The following TMEM63A variants were observed in gnomAD, a reference collection of about 807,000 sequenced individuals.
TMEM63A encodes the protein transmembrane protein 63A, also known as mechanosensitive cation channel TMEM63A.
In TMEM63A, 76 loss-of-function variants were observed where a neutral mutation model predicts 100.6. The ratio of observed to expected loss-of-function variants is 0.76; its 90% CI spans 0.63 to 0.91. The LOEUF (loss-of-function observed/expected upper bound fraction) is 0.91. TMEM63A is among the 40% of genes least tolerant of loss of function. The probability of loss-of-function intolerance (pLI) is 0.00; values close to 1 mark genes in which losing one functional copy is unlikely to be tolerated. For missense variants in TMEM63A, 876 were observed against 1,008.8 expected, an observed-to-expected ratio of 0.87 and a Z score of 1.78; for synonymous variants, 401 against 401.1, an observed-to-expected ratio of 1.00 and a Z score of 0.00.
At chr1:225,857,394 G>GGGGGGGGGGGGGGGT (rs1669691574) in intron 15 of TMEM63A, among the ~76,000 whole-genome samples, 1 of 132,972 alleles carries the variant, frequency 7.5e-6, no homozygotes, top group African/African-American at 3.0e-5. Flanking sequence ...CGGGGGGGGG[G>GGGGGGGGGGGGGGGT]GGGTGCCCTG....
At position 225,859,239 on chromosome 1, in the gene TMEM63A, G is replaced by A; in HGVS notation, c.1334C>T (p.Thr445Ile). 2 of 1,614,134 alleles carry A rather than the reference G, an allele frequency of 1.2e-6. No individual in the cohort carries two copies. Among genetic ancestry groups the A allele is most frequent in the Non-Finnish European group, 1.7e-6 (2 of 1,180,022 alleles). Reference protein sequence around the residue: ...FLTTPSIILSTMDKFNVTKPI... With the variant: ...FLTTPSIILSIMDKFNVTKPI... ...TTTGGTGACATTAAACTTGTCCATG[G>A]TGGACAGGATGATGGAGGGTGTGGT... The change falls in exon 15 of 25, where the codon ACC becomes ATC. Residue 445 changes from threonine (T) to isoleucine (I), a missense_variant. Thr to Ile is a moderately conservative substitution (Grantham distance 89, BLOSUM62 -1). This residue lies in a region of TMEM63A where 487 missense variants were observed against 581.9 expected (regional missense o/e 0.84). Transcript: ENST00000366835.
chr1:225,871,044 G>GC (rs750109113), intron 6 of TMEM63A, 32 bp downstream of exon 6: 4 of 1,612,290 alleles, frequency 2.5e-6, no homozygotes, highest in African/African-American at 1.3e-5. Context: ...CAGCCCAAAG[G>GC]CCCCCCAGCA....
Position 225,847,122 on chromosome 1 carries a change from T to C in TMEM63A, c.2342A>G (p.His781Arg). 1 of 1,613,850 alleles carries C rather than the reference T, an allele frequency of 6.2e-7. No homozygotes were observed. Among genetic ancestry groups the C allele is most frequent in the Non-Finnish European group, 8.5e-7 (1 of 1,180,016 alleles). ...TCCAGGGATAGTCCCGCTGATGTTG[T>C]GGATGGCACCATAGGTCTGCTGCTG... Reference protein sequence around the residue: ...QQQQQTYGAIHNISGTIPGQC... With the variant: ...QQQQQTYGAIRNISGTIPGQC... The change falls in exon 24 of 25, where the codon CAC (histidine) becomes CGC (arginine). Residue 781 changes from histidine (H) to arginine (R), a missense_variant. Physicochemically the swap from His to Arg is conservative, Grantham distance 29. Around this residue, in one of 5 missense-constraint regions of TMEM63A, gnomAD observed 339 missense variants for 342.3 expected, o/e 0.99. Coordinates refer to ENST00000366835, the MANE Select transcript of TMEM63A (RefSeq NM_014698.3).
In TMEM63A at chr1:225,860,983, A is replaced by C. The variant is rs1343323759; in HGVS notation, c.1100T>G (p.Phe367Cys). ...AAGGCTCTGACACTTGCAGGCATTGAAATCTTTCAGGATGCTGCAAGGAAA... is the reference window on the plus strand; with the variant it reads ...AAGGCTCTGACACTTGCAGGCATTGCAATCTTTCAGGATGCTGCAAGGAAA... Reference protein sequence around the residue: ...KSMATYILKDFNACKCQSLQC... With the variant: ...KSMATYILKDCNACKCQSLQC... Residue 367 changes from phenylalanine (F) to cysteine (C), a missense_variant, in exon 14 of 25, where the codon TTC (phenylalanine) becomes TGC (cysteine). Around this residue, in one of 5 missense-constraint regions of TMEM63A, gnomAD observed 487 missense variants for 581.9 expected, o/e 0.84. Transcript: ENST00000366835. 6.2e-7 allele frequency: 1 copy of C among 1,611,416 alleles called. No homozygotes were observed. The highest frequency in any genetic ancestry group is 1.1e-5 in the South Asian group (1 of 90,650).
intron 1 of TMEM63A, among the ~76,000 whole-genome samples, chr1:225,882,032 G>A (rs560314515): frequency 8.4e-4 from 128 of 152,352 alleles, no homozygotes; most frequent in African/African-American, 3.1e-3. Flanking sequence ...GAGAGGGGTG[G>A]GGAAGAAGGA....
downstream of TMEM63A, chr1:225,845,059 A>T (rs1576053137): frequency 3.5e-6 from 5 of 1,423,300 alleles, no homozygotes; most frequent in Non-Finnish European, 4.9e-6. Context: ...AGCTGATCTC[A>T]CCCCCAGGCG....
At chr1:225,857,384 CGGGG>C (rs752790126) in intron 15 of TMEM63A, among the ~76,000 whole-genome samples, 8 of 93,858 alleles carry the variant, frequency 8.5e-5, no homozygotes, top group Non-Finnish European at 9.9e-5. Context: ...GCCGGCGGGG[CGGGG>C]GGGGGGGGGT....
At chr1:225,877,728 C>T (rs1005059659) in intron 2 of TMEM63A, 134 bp from the exon 3 acceptor site, 12 of 797,678 alleles carry the variant, frequency 1.5e-5, no homozygotes, top group South Asian at 5.6e-5. Context: ...GCAAGGAGTC[C>T]GGGAGAGCCA....
chr1:225,882,117 G>A (rs186410787), intron 1 of TMEM63A, among the ~76,000 whole-genome samples, 187 bp downstream of exon 1: 126 of 152,364 alleles, frequency 8.3e-4, no homozygotes, highest in Non-Finnish European at 1.4e-3. Context: ...GGAGCGCAGG[G>A]CTGGAATGGA....
At position 225,855,893 on chromosome 1, in the gene TMEM63A, G is replaced by A. The variant is rs1020301097; in HGVS notation, c.1619C>T (p.Ala540Val). 1.2e-6 allele frequency: 2 copies of A among 1,613,978 alleles called. No individual in the cohort carries two copies. The highest frequency in any genetic ancestry group is 1.1e-5 in the South Asian group (1 of 91,064). The change falls in exon 18 of 25, where the codon GCC (alanine) becomes GTC (valine). Residue 540 changes from alanine (A) to valine (V), a missense_variant. Transcript: ENST00000366835. Reference protein sequence around the residue: ...RWLFDKTSSEASIRLECVFLP... With the variant: ...RWLFDKTSSEVSIRLECVFLP... Reference sequence around the variant, plus strand: ...CAATACTCACTCCAACCTGATGGAGGCCTCCGAGGAAGTTTTGTCAAAGAG... The same window carrying A: ...CAATACTCACTCCAACCTGATGGAGACCTCCGAGGAAGTTTTGTCAAAGAG...
chr1:225,859,181 A>G lies in TMEM63A; in HGVS notation c.1377+15T>C. 1.2e-6 allele frequency: 2 copies of G among 1,614,058 alleles called. No homozygotes were observed. The highest frequency in any genetic ancestry group is 1.7e-5 in the Admixed American group (1 of 60,000). Reference sequence around the variant, plus strand: ...CCAGCTATCCTGGGAGGGGCCTTGCAGAACAGTTACTCACATTCAGCGCAT... The same window carrying G: ...CCAGCTATCCTGGGAGGGGCCTTGCGGAACAGTTACTCACATTCAGCGCAT... On this transcript the variant is annotated intron_variant, in intron 15 of 24. Transcript: ENST00000366835.
intron 3 of TMEM63A, among the ~76,000 whole-genome samples, chr1:225,874,703 T>C (rs917300678): frequency 2.0e-5 from 3 of 152,258 alleles, no homozygotes; most frequent in Non-Finnish European, 2.9e-5. Context: ...TCTCGGGCCC[T>C]GCTCTGCCTT....
At chr1:225,851,291 CA>C (rs1170515303) in intron 20 of TMEM63A, among the ~76,000 whole-genome samples, 1 of 152,214 alleles carries the variant, frequency 6.6e-6, no homozygotes, top group Non-Finnish European at 1.5e-5. Flanking sequence ...GGTCTTACCC[CA>C]GGGGTGGCAC....
intron 14 of TMEM63A, 120 bp from the exon 15 acceptor site, chr1:225,859,469 C>CT: frequency 8.1e-7 from 1 of 1,238,568 alleles, no homozygotes; most frequent in Non-Finnish European, 1.1e-6. Context: ...GTTCTCTGCA[C>CT]TGACCTTCAA....
rs1670158131 is a variant in TMEM63A, at chr1:225,865,530, A to C, written c.746+367T>G. ...GACCCTAGCCCTGTGGGTCCATACA[A>C]ATGCTCAGCTCACGTCTCTCTTATT... On this transcript the variant is annotated intron_variant, in intron 10 of 24. Coordinates refer to ENST00000366835, the MANE Select transcript of TMEM63A (RefSeq NM_014698.3). This position sits in a 1 kb window ranked among gnomAD's most constrained non-coding sequence, Gnocchi z 4.6. The C allele has an allele frequency of 5.0e-6, 1 of 198,160 alleles. No homozygotes were observed. Among genetic ancestry groups the C allele is most frequent in the African/African-American group, 2.3e-5 (1 of 44,150 alleles). The allele number at this position is 198,160 out of a possible 1,614,324, so 12.3% of individuals were successfully genotyped here.
Position 225,867,426 on chromosome 1 carries a change from C to CT in TMEM63A, c.515-264dup, listed in dbSNP as rs1670268812. ...TTGTTTTGAGAAAACTAAAAACATC[C>CT]TATGTTGTTACAAAACCAACGTTGG... On this transcript the variant is annotated intron_variant, in intron 7 of 24. Transcript: ENST00000366835. This position sits in a 1 kb window ranked among gnomAD's most constrained non-coding sequence, Gnocchi z 4.6. 6.6e-6 allele frequency among the ~76,000 whole-genome samples: 1 copy of CT among 152,172 alleles called. No individual in the cohort carries two copies. The highest frequency in any genetic ancestry group is 1.5e-5 in the Non-Finnish European group (1 of 68,016).
At chr1:225,861,036 C>T (rs763918895) in intron 13 of TMEM63A, 39 bp from the exon 14 acceptor site, 45 of 1,562,528 alleles carry the variant, frequency 2.9e-5, no homozygotes, top group Non-Finnish European at 3.2e-5. Context: ...CCAGGCTACT[C>T]AGGTTACCAA....
chr1:225,846,765 CTG>C lies in TMEM63A; in HGVS notation c.*172_*173del, dbSNP rs1213227384. 1 of 353,316 alleles carries C rather than the reference CTG, an allele frequency of 2.8e-6. No individual in the cohort carries two copies. Among genetic ancestry groups the C allele is most frequent in the African/African-American group, 2.1e-5 (1 of 47,810 alleles). 21.9% of individuals were successfully genotyped at this position (353,316 alleles called of 1,614,324 possible). A position where few individuals can be genotyped will look rare whatever the true frequency, so the allele number is the denominator to read the frequency against. ...CTGGAAGCTTGTGCCGGAGGGGAAACTGGGTGAGCAAGGGAGGGGCGAGGCCT... is the reference window on the plus strand; with the variant it reads ...CTGGAAGCTTGTGCCGGAGGGGAAACGGTGAGCAAGGGAGGGGCGAGGCCT... On this transcript the variant is annotated 3_prime_UTR_variant, in exon 25 of 25. Coordinates refer to ENST00000366835, the MANE Select transcript of TMEM63A (RefSeq NM_014698.3).
In TMEM63A at chr1:225,856,045, T is replaced by C. The variant is rs562381850; in HGVS notation, c.1572-105A>G. 111 of 1,190,678 alleles carry C rather than the reference T, an allele frequency of 9.3e-5. No homozygotes were observed. The East Asian group carries it at 1.6e-3, about 17-fold the overall frequency. The allele number at this position is 1,190,678 out of a possible 1,614,324, so 73.8% of individuals were successfully genotyped here. A position where few individuals can be genotyped will look rare whatever the true frequency, so the allele number is the denominator to read the frequency against. ...TCTAAAAACAGGCCAAAGCTCGAGATTGACTTTTGTTCTCAACGATGCCAC... is the reference window on the plus strand; with the variant it reads ...TCTAAAAACAGGCCAAAGCTCGAGACTGACTTTTGTTCTCAACGATGCCAC... On this transcript the variant is annotated intron_variant, in intron 17 of 24. Transcript: ENST00000366835.
Sources: allele counts gnomAD v4.1 joint callset (sites outside exome capture counted in the v4.1 genomes callset), GRCh38; gene constraint gnomAD v4.1.1; regional missense constraint gnomAD v4.1.1; non-coding constraint Gnocchi (gnomAD v3.1); transcripts MANE v1.5; gene names NCBI Gene and HGNC (gene_info 2026-07-23, HGNC 2026-07-21).